STAT5B: variants seen among roughly 807,000 people sequenced by gnomAD.
The protein encoded by STAT5B is signal transducer and activator of transcription 5B.
STAT5B carries 21 observed loss-of-function variants against 107.8 expected under a neutral mutation model. The observed-to-expected ratio is 0.19, with a 90% CI of 0.14 to 0.28. STAT5B has a LOEUF of 0.28. Ranked by LOEUF, STAT5B falls within the 10% of genes least tolerant of loss-of-function variation. The pLI, the probability that STAT5B is intolerant of heterozygous loss-of-function variation, is 1.00. For synonymous variants in STAT5B, 325 were observed against 401.7 expected, an observed-to-expected ratio of 0.81 and a Z score of 2.28; for missense variants, 565 against 1,008.2, an observed-to-expected ratio of 0.56 and a Z score of 5.95.
intron 1 of STAT5B, among the ~76,000 whole-genome samples, chr17:42,273,639 ATAGT>A (rs1210999068): frequency 6.6e-6 from 1 of 152,232 alleles, no homozygotes; most frequent in Non-Finnish European, 1.5e-5. Flanking sequence ...GGGCACGAAA[ATAGT>A]TAGGCTTCCT....
intron 3 of STAT5B, 48 bp downstream of exon 3, chr17:42,227,481 G>A: frequency 6.2e-7 from 1 of 1,611,052 alleles, no homozygotes; most frequent in Non-Finnish European, 8.5e-7. Context: ...ACAGGAAGAA[G>A]ACCCCCAAGG....
At chr17:42,229,870 A>G (rs938690787) in intron 2 of STAT5B, among the ~76,000 whole-genome samples, 2 of 152,114 alleles carry the variant, frequency 1.3e-5, no homozygotes, top group Admixed American at 6.6e-5. Flanking sequence ...ATCTCAAAAA[A>G]AAAAAAGAAT....
intron 1 of STAT5B, among the ~76,000 whole-genome samples, chr17:42,242,473 T>A (rs1213171723): frequency 6.6e-6 from 1 of 152,070 alleles, no homozygotes; most frequent in South Asian, 2.1e-4. Flanking sequence ...TGATCAAACA[T>A]CCCCAATCAT....
chr17:42,269,015 T>C (rs1406794506), intron 1 of STAT5B, among the ~76,000 whole-genome samples: 4 of 152,320 alleles, frequency 2.6e-5, no homozygotes, highest in African/African-American at 9.6e-5. Flanking sequence ...TTAGATTTTT[T>C]AAAATCCCAC....
chr17:42,243,646 A>G (rs1406536264), intron 1 of STAT5B, among the ~76,000 whole-genome samples: 2 of 152,212 alleles, frequency 1.3e-5, no homozygotes, highest in Non-Finnish European at 2.9e-5. Flanking sequence ...GCGAGTACTC[A>G]TTGTTCTATT....
rs947170964 is a variant in STAT5B, at chr17:42,260,112, G to A, written c.-11+16136C>T. On this transcript the variant is annotated intron_variant, in intron 1 of 18. Coordinates refer to ENST00000293328, the MANE Select transcript of STAT5B (RefSeq NM_012448.4). ...TAAGCACTTGAAATGTAGCTAGTGC[G>A]ACTGGGGAACTGAATTGCAAATTTT... 3.3e-5 allele frequency among the ~76,000 whole-genome samples: 5 copies of A among 152,294 alleles called. No homozygotes were observed. The East Asian group carries it at 9.6e-4, about 29-fold the overall frequency.
At chr17:42,216,180 T>A in intron 11 of STAT5B, 74 bp from the exon 12 acceptor site, 2 of 1,304,800 alleles carry the variant, frequency 1.5e-6, no homozygotes, top group South Asian at 2.6e-5. Context: ...TTTTTTTTCT[T>A]ATTATAACAA....
At chr17:42,205,377 C>T (rs989717686) in intron 16 of STAT5B, among the ~76,000 whole-genome samples, 14 of 151,960 alleles carry the variant, frequency 9.2e-5, no homozygotes, top group African/African-American at 1.7e-4. Flanking sequence ...CAAAAAATTA[C>T]ATATGATATG....
chr17:42,267,359 G>A (rs1167264561), intron 1 of STAT5B, among the ~76,000 whole-genome samples: 4 of 152,278 alleles, frequency 2.6e-5, no homozygotes, highest in Admixed American at 6.5e-5. Flanking sequence ...AGAGATGACA[G>A]CTCCATATGT....
intron 1 of STAT5B, among the ~76,000 whole-genome samples, chr17:42,256,848 C>A (rs2080549479): frequency 9.1e-6 from 1 of 110,364 alleles, no homozygotes; most frequent in Non-Finnish European, 1.6e-5. Flanking sequence ...GGTGACAGAG[C>A]GAGACTCTGT....
chr17:42,201,936 AC>A, intron 18 of STAT5B, 72 bp from the exon 19 acceptor site: 1 of 1,486,820 alleles, frequency 6.7e-7, no homozygotes, highest in Non-Finnish European at 9.3e-7. Context: ...CCCACAGGCC[AC>A]CAGGGGAGCA....
At chr17:42,245,304 A>C (rs2080442072) in intron 1 of STAT5B, among the ~76,000 whole-genome samples, 1 of 151,118 alleles carries the variant, frequency 6.6e-6, no homozygotes, top group Non-Finnish European at 1.5e-5. Context: ...TCTCGACCTC[A>C]TGACCTTGTG....
At chr17:42,269,519 T>C (rs1000847914) in intron 1 of STAT5B, 2 of 152,230 alleles carry the variant, frequency 1.3e-5, no homozygotes, top group African/African-American at 4.8e-5. Context: ...AGGATCTCAC[T>C]GACACAAACA....
At chr17:42,241,367 C>T (rs1239093632) in intron 1 of STAT5B, among the ~76,000 whole-genome samples, 14 of 150,412 alleles carry the variant, frequency 9.3e-5, no homozygotes, top group Non-Finnish European at 1.8e-4. Flanking sequence ...AGAGCAAATT[C>T]CCTAATTATG....
At chr17:42,218,456 C>T (rs2080193319) in intron 8 of STAT5B, 126 bp from the exon 9 acceptor site, 7 of 1,464,390 alleles carry the variant, frequency 4.8e-6, no homozygotes, top group East Asian at 2.3e-5. Flanking sequence ...TCGGGCACAG[C>T]CTCTGTTCCT....
At position 42,201,870 on chromosome 17, in the gene STAT5B, G is replaced by A; in HGVS notation, c.2238-6C>T. ...TGTCAAGGACTGAGTCAGGGCTTGGGAGGGAAAGAAGAGGGATGAAGGGAA... is the reference window on the plus strand; with the variant it reads ...TGTCAAGGACTGAGTCAGGGCTTGGAAGGGAAAGAAGAGGGATGAAGGGAA... On this transcript the variant is annotated splice_polypyrimidine_tract_variant and splice_region_variant and intron_variant, in intron 18 of 18. Transcript: ENST00000293328. 6.2e-7 allele frequency: 1 copy of A among 1,613,756 alleles called. No homozygotes were observed. The highest frequency in any genetic ancestry group is 1.3e-5 in the African/African-American group (1 of 75,026).
chr17:42,269,918 C>T (rs2080707943), intron 1 of STAT5B: 2 of 151,950 alleles, frequency 1.3e-5, no homozygotes, highest in Non-Finnish European at 2.9e-5. Flanking sequence ...CTTAAAAATT[C>T]GCCCAAATAG....
Position 42,210,414 on chromosome 17 carries a change from A to C in STAT5B, c.1764T>G (p.His588Gln). ...MEVLKKHLKP[H>Q]WNDGAILGFV... Reference sequence around the variant, plus strand: ...ATAATGATTCTCACCCATCATTCCAATGAGGCTTGAGATGTTTTTTTAACA... The same window carrying C: ...ATAATGATTCTCACCCATCATTCCACTGAGGCTTGAGATGTTTTTTTAACA... The change falls in exon 14 of 19, where the codon CAT (histidine) becomes CAG (glutamine). Residue 588 changes from histidine to glutamine, a missense_variant. His to Gln is a conservative substitution (Grantham distance 24, BLOSUM62 0). Transcript: ENST00000293328. 1 of 1,614,182 alleles carries C rather than the reference A, an allele frequency of 6.2e-7. No homozygotes were observed. The highest frequency in any genetic ancestry group is 1.3e-5 in the African/African-American group (1 of 75,054).
chr17:42,277,910 C>G (rs1463130976), upstream of STAT5B, among the ~76,000 whole-genome samples: 1 of 151,970 alleles, frequency 6.6e-6, no homozygotes, highest in Non-Finnish European at 1.5e-5. Context: ...CGCACACCAC[C>G]ACATCCGGCT....
Sources: allele counts gnomAD v4.1 joint callset (sites outside exome capture counted in the v4.1 genomes callset), GRCh38; gene constraint gnomAD v4.1.1; transcripts MANE v1.5; gene names NCBI Gene and HGNC (gene_info 2026-07-23, HGNC 2026-07-21).